Variants in CLDN10 observed in about 807,000 individuals in gnomAD.
CLDN10 encodes claudin-10.
A neutral mutation model predicts 22.9 loss-of-function variants in CLDN10; 15 were observed. That is an observed-to-expected ratio of 0.65 (90% CI 0.44 to 1.01). The LOEUF is 1.01. Ranked by LOEUF, CLDN10 falls within the 50% of genes least tolerant of loss-of-function variation. CLDN10 has a pLI of 0.00. For synonymous variants in CLDN10, 114 were observed against 111.4 expected (o/e 1.02, Z -0.15); for missense variants, 247 against 287.8 (o/e 0.86, Z 1.03).
At chr13:95,558,303 G>A (rs988594998) in intron 1 of CLDN10, among the ~76,000 whole-genome samples, 5 of 152,126 alleles carry the variant, frequency 3.3e-5, no homozygotes, top group Admixed American at 6.5e-5. Flanking sequence ...TGGGGAGCTC[G>A]AGGACTGAAG....
chr13:95,497,951 C>CTTTAAAATATGTTTGTTGTG (rs1480431716), intron 1 of CLDN10, among the ~76,000 whole-genome samples: 1 of 152,110 alleles, frequency 6.6e-6, no homozygotes, highest in Non-Finnish European at 1.5e-5. Flanking sequence ...GAACATTTTT[C>CTTTAAAATATGTTTGTTGTG]TTTAAAATAA....
intron 4 of CLDN10, 131 bp downstream of exon 4, chr13:95,577,469 C>T: frequency 4.6e-6 from 3 of 656,104 alleles, no homozygotes; most frequent in Non-Finnish European, 7.9e-6. Flanking sequence ...AAAAGGTTAG[C>T]AGTACAGTTA....
At chr13:95,536,064 A>G (rs1409429644) in intron 1 of CLDN10, among the ~76,000 whole-genome samples, 1 of 152,086 alleles carries the variant, frequency 6.6e-6, no homozygotes, top group African/African-American at 2.4e-5. Context: ...GGACAGAGAG[A>G]CTGTGATACT....
chr13:95,554,874 C>T (rs1333003645), intron 1 of CLDN10, among the ~76,000 whole-genome samples: 1 of 151,984 alleles, frequency 6.6e-6, no homozygotes, highest in African/African-American at 2.4e-5. Context: ...TTATATTCAC[C>T]TCTTTGTATG....
upstream of CLDN10, among the ~76,000 whole-genome samples, chr13:95,549,100 AAT>A (rs2043539017): frequency 6.6e-6 from 1 of 152,224 alleles, no homozygotes. Context: ...AAAGGCTCAG[AAT>A]ATGTTTGAGG....
intron 1 of CLDN10, among the ~76,000 whole-genome samples, chr13:95,493,386 G>A (rs950803581): frequency 1.3e-5 from 2 of 151,838 alleles, no homozygotes; most frequent in Non-Finnish European, 2.9e-5. Context: ...GCATTGTTAT[G>A]CAACCATCAC....
chr13:95,535,653 T>A (rs768999543), intron 1 of CLDN10, among the ~76,000 whole-genome samples: 1 of 151,432 alleles, frequency 6.6e-6, no homozygotes, highest in East Asian at 1.9e-4. Context: ...GGAGAAGATG[T>A]CCCATAGGCA....
At chr13:95,567,848 C>T (rs913523342) in intron 3 of CLDN10, among the ~76,000 whole-genome samples, 2 of 152,058 alleles carry the variant, frequency 1.3e-5, no homozygotes, top group East Asian at 1.9e-4. Flanking sequence ...TGAATTTTGT[C>T]GAAGGCCTTT....
rs1446316063 is a variant in CLDN10, at chr13:95,455,285, T to A, written c.214+21238T>A. 2.0e-5 allele frequency among the ~76,000 whole-genome samples: 3 copies of A among 152,220 alleles called. No homozygotes were observed. The East Asian group carries it at 5.8e-4, about 29-fold the overall frequency. On this transcript the variant is annotated intron_variant, in intron 1 of 4. Transcript: ENST00000376873. ...ATTCTGTTTAGCCAATATATACATA[T>A]CCTGTCCAGTGGTGCAAAGTACAAA...
chr13:95,484,865 C>CAAA (rs746231195), intron 1 of CLDN10, among the ~76,000 whole-genome samples: 63 of 93,598 alleles, frequency 6.7e-4, no homozygotes, highest in East Asian at 1.3e-3. Context: ...GACCCTGTCT[C>CAAA]AAAAAAAAAA....
In CLDN10 at chr13:95,475,794, C is replaced by CTCTG. The variant is rs1555290318; in HGVS notation, c.214+41750_214+41751insGTCT. Among the ~76,000 whole-genome samples, 255 of 151,450 alleles carry CTCTG rather than the reference C, an allele frequency of 1.7e-3. 2 individuals carry two copies. Among genetic ancestry groups the CTCTG allele is most frequent in the Non-Finnish European group, 2.7e-3 (185 of 67,798 alleles). ...GGGTCGAGGGTCCCTGCATCTCTCT[C>CTCTG]TCTCTCTCTGTCTCTCTCTGTCCCT... On this transcript the variant is annotated intron_variant, in intron 1 of 4. Transcript: ENST00000376873.
At chr13:95,512,047 C>T (rs2043107443) in intron 1 of CLDN10, among the ~76,000 whole-genome samples, 1 of 125,730 alleles carries the variant, frequency 8.0e-6, no homozygotes, top group Admixed American at 8.6e-5. Flanking sequence ...TTAATATGAG[C>T]AATGTGTTTG....
chr13:95,543,559 A>G (rs1481922009), intron 1 of CLDN10, among the ~76,000 whole-genome samples: 1 of 152,070 alleles, frequency 6.6e-6, no homozygotes, highest in Non-Finnish European at 1.5e-5. Context: ...AATTCATAAA[A>G]TTTCCCAAAT....
chr13:95,576,612 G>A (rs994701672), intron 3 of CLDN10, among the ~76,000 whole-genome samples: 27 of 152,134 alleles, frequency 1.8e-4, no homozygotes, highest in Admixed American at 1.4e-3. Flanking sequence ...CCTTTGTTTC[G>A]TGGCCTTCCC....
chr13:95,543,332 C>T (rs549935667), intron 1 of CLDN10, among the ~76,000 whole-genome samples: 8 of 152,110 alleles, frequency 5.3e-5, no homozygotes, highest in Non-Finnish European at 1.2e-4. Context: ...AGAATGGTGC[C>T]ATTTAAAATA....
upstream of CLDN10, among the ~76,000 whole-genome samples, chr13:95,550,979 A>G (rs920635486): frequency 6.6e-6 from 1 of 151,886 alleles, no homozygotes; most frequent in African/African-American, 2.4e-5. Flanking sequence ...AGCCAGGGAG[A>G]TACTTCTTAA....
At position 95,578,023 on chromosome 13, in the gene CLDN10, G is replaced by T; in HGVS notation, c.*9G>T. On this transcript the variant is annotated 3_prime_UTR_variant, in exon 5 of 5. Transcript: ENST00000299339. ...AAAATGCTTATGTCTAAAAGAGCTC[G>T]CTGGCAAGCTGCCTCTTGAGTTTGT... 2 of 1,516,618 alleles carry T rather than the reference G, an allele frequency of 1.3e-6. No individual in the cohort carries two copies. Among genetic ancestry groups the T allele is most frequent in the South Asian group, 1.1e-5 (1 of 87,796 alleles). 93.9% of individuals were successfully genotyped at this position (1,516,618 alleles called of 1,614,324 possible). A position where few individuals can be genotyped will look rare whatever the true frequency, so the allele number is the denominator to read the frequency against.
At chr13:95,434,436 T>C (rs2042243492) in intron 1 of CLDN10, among the ~76,000 whole-genome samples, 1 of 106,006 alleles carries the variant, frequency 9.4e-6, no homozygotes, top group Admixed American at 8.9e-5. Flanking sequence ...CCTCTCTCTC[T>C]CTCTCTCTGT....
intron 1 of CLDN10, among the ~76,000 whole-genome samples, chr13:95,436,737 C>T (rs1369198253): frequency 6.6e-6 from 1 of 152,108 alleles, no homozygotes; most frequent in Non-Finnish European, 1.5e-5. Context: ...CCAAAGAAAA[C>T]GGGGATTCAC....
Sources: allele counts gnomAD v4.1 joint callset (sites outside exome capture counted in the v4.1 genomes callset), GRCh38; gene constraint gnomAD v4.1.1; transcripts MANE v1.5; gene names NCBI Gene and HGNC (gene_info 2026-07-23, HGNC 2026-07-21).